ACVR1C: variants seen among roughly 807,000 people sequenced by gnomAD.
ACVR1C encodes the protein activin A receptor type 1C, also known as activin receptor type-1C.
A neutral mutation model predicts 57.9 loss-of-function variants in ACVR1C; 23 were observed. The observed-to-expected ratio is 0.40, with a 90% CI of 0.29 to 0.56. The LOEUF (loss-of-function observed/expected upper bound fraction) is 0.56, where lower values mean the gene tolerates loss of function less well. Ranked by LOEUF, ACVR1C falls within the 20% of genes least tolerant of loss-of-function variation. The pLI is 0.50. For synonymous variants in ACVR1C, 214 were observed against 215.3 expected, an observed-to-expected ratio of 0.99 and a Z score of 0.05; for missense variants, 480 against 607.9, an observed-to-expected ratio of 0.79 and a Z score of 2.21.
chr2:157,597,902 G>T (rs1347647717), intron 1 of ACVR1C, among the ~76,000 whole-genome samples: 1 of 152,126 alleles, frequency 6.6e-6, no homozygotes, highest in Non-Finnish European at 1.5e-5. Flanking sequence ...TATTTATTGA[G>T]AGAAATCTCT....
At chr2:157,565,195 T>C (rs1688334976) in intron 2 of ACVR1C, among the ~76,000 whole-genome samples, 1 of 152,144 alleles carries the variant, frequency 6.6e-6, no homozygotes. Context: ...GATATTCCAT[T>C]CATGATGAAT....
chr2:157,550,793 T>C (rs1687896606), intron 3 of ACVR1C, among the ~76,000 whole-genome samples: 1 of 150,342 alleles, frequency 6.7e-6, no homozygotes, highest in Admixed American at 6.6e-5. Context: ...CTGGTACAAC[T>C]GGAAGAGCAA....
At chr2:157,613,630 T>C (rs1174842604) in intron 1 of ACVR1C, among the ~76,000 whole-genome samples, 1 of 152,222 alleles carries the variant, frequency 6.6e-6, no homozygotes, top group Non-Finnish European at 1.5e-5. Context: ...TATTGTCATA[T>C]GGTTTTCTTT....
chr2:157,588,333 G>A (rs867667142), intron 1 of ACVR1C, among the ~76,000 whole-genome samples: 2 of 151,550 alleles, frequency 1.3e-5, no homozygotes, highest in South Asian at 2.1e-4. Context: ...TAAAACATTC[G>A]TCAGCATGAA....
At chr2:157,541,649 C>T (rs1558969384) in intron 6 of ACVR1C, among the ~76,000 whole-genome samples, 1 of 152,124 alleles carries the variant, frequency 6.6e-6, no homozygotes. Flanking sequence ...TGGGGATAAT[C>T]AGATGGGCAA....
intron 6 of ACVR1C, 91 bp downstream of exon 6, chr2:157,542,615 T>A (rs1687648433): frequency 7.1e-7 from 1 of 1,416,614 alleles, no homozygotes; most frequent in Non-Finnish European, 9.5e-7. Flanking sequence ...GGTTTCCTAT[T>A]TGGACCTGAG....
At chr2:157,552,545 C>A (rs1687947530) in intron 3 of ACVR1C, among the ~76,000 whole-genome samples, 1 of 152,184 alleles carries the variant, frequency 6.6e-6, no homozygotes, top group Non-Finnish European at 1.5e-5. Context: ...CTCCTGCTAA[C>A]CTATAGTCTT....
intron 2 of ACVR1C, among the ~76,000 whole-genome samples, chr2:157,579,906 C>T (rs1182053447): frequency 6.6e-6 from 1 of 151,886 alleles, no homozygotes; most frequent in Non-Finnish European, 1.5e-5. Flanking sequence ...AATGGAATAC[C>T]AGCTAATAGT....
chr2:157,587,311 G>T lies in ACVR1C; in HGVS notation c.180C>A (p.Ile60=). ...GTTCTGGAAGGGAGACACAGGATTT[G>T]ATCACCTGCTCTTTTCCATTGGTTA... ...VMLTNGKEQV[I]KSCVSLPELN... Residue 60 remains isoleucine (I), a synonymous_variant, in exon 2 of 9, where the codon ATC becomes ATA. Transcript: ENST00000243349. 2 of 1,613,682 alleles carry T rather than the reference G, an allele frequency of 1.2e-6. No individual in the cohort carries two copies. Among genetic ancestry groups the T allele is most frequent in the Non-Finnish European group, 1.7e-6 (2 of 1,179,656 alleles).
At chr2:157,572,779 A>G (rs1688547610) in intron 2 of ACVR1C, among the ~76,000 whole-genome samples, 1 of 152,168 alleles carries the variant, frequency 6.6e-6, no homozygotes, top group Admixed American at 6.5e-5. Flanking sequence ...ATTTCAGAGC[A>G]CTTTCCAAAC....
At chr2:157,622,909 G>A (rs1682814305) in intron 1 of ACVR1C, among the ~76,000 whole-genome samples, 1 of 151,822 alleles carries the variant, frequency 6.6e-6, no homozygotes, top group Non-Finnish European at 1.5e-5. Context: ...TAACACTGTA[G>A]GGAAAAAAAA....
chr2:157,553,484 C>T (rs1687970882), intron 3 of ACVR1C, among the ~76,000 whole-genome samples: 1 of 151,398 alleles, frequency 6.6e-6, no homozygotes, highest in African/African-American at 2.4e-5. Context: ...TTTAAACATG[C>T]AAAAAACACC....
intron 2 of ACVR1C, among the ~76,000 whole-genome samples, chr2:157,577,189 C>G (rs1031063356): frequency 6.6e-6 from 1 of 151,974 alleles, no homozygotes; most frequent in Non-Finnish European, 1.5e-5. Flanking sequence ...TTTTTACTGC[C>G]CATTTTATAA....
intron 7 of ACVR1C, among the ~76,000 whole-genome samples, chr2:157,540,588 G>T (rs902772342): frequency 3.3e-5 from 5 of 152,086 alleles, no homozygotes; most frequent in Admixed American, 1.3e-4. Context: ...GAGTCACCAC[G>T]CCCAGGTGCA....
chr2:157,588,983 C>T (rs546649441), intron 1 of ACVR1C, among the ~76,000 whole-genome samples: 4 of 150,182 alleles, frequency 2.7e-5, no homozygotes, highest in Non-Finnish European at 1.5e-5. Flanking sequence ...TAAATTGATG[C>T]CATATCTTTG....
intron 1 of ACVR1C, 96 bp downstream of exon 1, chr2:157,628,476 C>G: frequency 1.4e-6 from 2 of 1,400,646 alleles, no homozygotes; most frequent in Admixed American, 4.0e-5. Flanking sequence ...GGTCAGTTTG[C>G]TCGGAGCACC....
At chr2:157,612,480 G>A (rs569333098) in intron 1 of ACVR1C, among the ~76,000 whole-genome samples, 1 of 152,280 alleles carries the variant, frequency 6.6e-6, no homozygotes, top group South Asian at 2.1e-4. Context: ...GCTACTCCCA[G>A]TCCATCAGCA....
chr2:157,588,716 T>C (rs1018385570), intron 1 of ACVR1C, among the ~76,000 whole-genome samples: 1 of 150,860 alleles, frequency 6.6e-6, no homozygotes, highest in African/African-American at 2.4e-5. Flanking sequence ...TTCGAGTTAC[T>C]TCACTTAGGA....
chr2:157,623,626 A>G (rs1176442680), intron 1 of ACVR1C, among the ~76,000 whole-genome samples: 1 of 147,032 alleles, frequency 6.8e-6, no homozygotes, highest in African/African-American at 2.5e-5. Flanking sequence ...TTGGTGGGGG[A>G]GGTGGGGATG....
Sources: gnomAD v4.1 joint callset for allele counts (sites outside exome capture counted in the v4.1 genomes callset) on GRCh38, gnomAD v4.1.1 for gene constraint, MANE v1.5 for transcripts, NCBI Gene and HGNC (gene_info 2026-07-23, HGNC 2026-07-21) for gene names.